The following ARHGEF10 variants were observed in gnomAD, a reference collection of about 807,000 sequenced individuals.
ARHGEF10 encodes the protein Rho guanine nucleotide exchange factor (GEF) 10.
Under a neutral mutation model 147.4 loss-of-function variants are expected in ARHGEF10, and 140 were observed. The ratio of observed to expected loss-of-function variants is 0.95; its 90% CI spans 0.83 to 1.09. ARHGEF10 has a LOEUF of 1.09. ARHGEF10 is among the 50% of genes least tolerant of loss of function. The pLI, the probability that ARHGEF10 is intolerant of heterozygous loss-of-function variation, is 0.00. For synonymous variants in ARHGEF10, 902 were observed against 695.8 expected (o/e 1.30, Z -4.67); for missense variants, 2,222 against 1,752.7 (o/e 1.27, Z -4.78).
intron 1 of ARHGEF10, among the ~76,000 whole-genome samples, chr8:1,830,799 G>C (rs1393818677): frequency 6.6e-6 from 1 of 152,238 alleles, no homozygotes; most frequent in Non-Finnish European, 1.5e-5. Flanking sequence ...GGGGCTACAA[G>C]GTGCGGAGAG....
At chr8:1,847,973 AAC>A (rs2129056015) in intron 2 of ARHGEF10, among the ~76,000 whole-genome samples, 1 of 152,300 alleles carries the variant, frequency 6.6e-6, no homozygotes, top group Non-Finnish European at 1.5e-5. Flanking sequence ...ATGGACTTGG[AAC>A]AGTCAGAGCG....
At chr8:1,854,312 CG>C (rs1805385354) in intron 2 of ARHGEF10, among the ~76,000 whole-genome samples, 1 of 152,046 alleles carries the variant, frequency 6.6e-6, no homozygotes, top group African/African-American at 2.4e-5. Flanking sequence ...CAGGCGGCCT[CG>C]CCCTCTGTCC....
At chr8:1,933,629 T>C (rs561976543) in intron 25 of ARHGEF10, among the ~76,000 whole-genome samples, 171 bp from the exon 26 acceptor site, 5 of 152,046 alleles carry the variant, frequency 3.3e-5, no homozygotes, top group South Asian at 4.2e-4. Flanking sequence ...ATGGCCCAAC[T>C]GGGGTGGGTG....
intron 28 of ARHGEF10, 101 bp downstream of exon 28, chr8:1,952,928 A>ATGTGCTTT: frequency 6.6e-7 from 1 of 1,509,564 alleles, no homozygotes; most frequent in Non-Finnish European, 9.1e-7. Flanking sequence ...TCTTTAAACA[A>ATGTGCTTT]TTCATATTAT....
intron 18 of ARHGEF10, among the ~76,000 whole-genome samples, chr8:1,910,512 G>A (rs1811277284): frequency 6.6e-6 from 1 of 152,026 alleles, no homozygotes; most frequent in Admixed American, 6.6e-5. Flanking sequence ...ATTTAAAGTG[G>A]TATGCGTCTG....
intron 25 of ARHGEF10, among the ~76,000 whole-genome samples, chr8:1,931,124 G>A (rs1398209012): frequency 6.6e-6 from 1 of 152,154 alleles, no homozygotes; most frequent in Non-Finnish European, 1.5e-5. Flanking sequence ...CGGCTTTCCC[G>A]TCCTGTCTCT....
In ARHGEF10 at chr8:1,897,605, T is replaced by G. The variant is rs11775174; in HGVS notation, c.1558-828T>G. On this transcript the variant is annotated intron_variant, in intron 14 of 28. Coordinates refer to ENST00000349830, the MANE Select transcript of ARHGEF10 (RefSeq NM_014629.4). ...GGATCGCAGTTCCCACTCTCGACAG[T>G]TGTGGGCTCTGTCCTAAGGCATCGG... is the stretch of plus-strand genomic sequence containing the variant. Among the ~76,000 whole-genome samples the G allele has an allele frequency of 2.3e-5, 3 of 130,054 alleles. No homozygotes were observed. The East Asian group carries it at 7.6e-4, about 33-fold the overall frequency. 85.3% of individuals were successfully genotyped at this position (130,054 alleles called of 152,430 possible).
chr8:1,911,059 G>C (rs183786410), intron 18 of ARHGEF10, among the ~76,000 whole-genome samples: 2 of 152,304 alleles, frequency 1.3e-5, no homozygotes, highest in Non-Finnish European at 2.9e-5. Flanking sequence ...GTTTATCATT[G>C]CATTTGCACC....
chr8:1,907,738 G>A (rs1031157349), intron 17 of ARHGEF10, among the ~76,000 whole-genome samples: 8 of 152,194 alleles, frequency 5.3e-5, no homozygotes, highest in Non-Finnish European at 1.0e-4. Flanking sequence ...GCCAGGGCTT[G>A]AATTTCTTTT....
chr8:1,887,009 A>C (rs564986638), intron 11 of ARHGEF10, among the ~76,000 whole-genome samples: 4 of 152,272 alleles, frequency 2.6e-5, no homozygotes, highest in African/African-American at 7.2e-5. Context: ...CTTCATGCTC[A>C]GGAGTTATAA....
chr8:1,876,491 T>C, intron 7 of ARHGEF10, 80 bp from the exon 8 acceptor site: 1 of 1,422,786 alleles, frequency 7.0e-7, no homozygotes, highest in South Asian at 1.1e-5. Context: ...CTAGATGATT[T>C]GGTAAAACCA....
At chr8:1,955,152 A>G (rs57191692) in intron 28 of ARHGEF10, among the ~76,000 whole-genome samples, 73 of 46,518 alleles carry the variant, frequency 1.6e-3, no homozygotes, top group South Asian at 4.1e-3. Flanking sequence ...CCTCTGGAGG[A>G]TAGCCAGGTG....
At position 1,840,198 on chromosome 8, in the gene ARHGEF10, G is replaced by C. The variant is rs530523570; in HGVS notation, c.-47-3155G>C. Among the ~76,000 whole-genome samples the C allele has an allele frequency of 2.7e-4, 37 of 137,014 alleles. 1 individual carries two copies. Among genetic ancestry groups the C allele is most frequent in the South Asian group, 2.2e-3 (9 of 4,004 alleles). 89.9% of individuals were successfully genotyped at this position (137,014 alleles called of 152,430 possible). ...TCCGATATGGGGACTGTCTGGTGTGGAAGCTGTCCGATATGGGGACTGTCT... is the reference window on the plus strand; with the variant it reads ...TCCGATATGGGGACTGTCTGGTGTGCAAGCTGTCCGATATGGGGACTGTCT... On this transcript the variant is annotated intron_variant, in intron 1 of 28. Transcript: ENST00000349830.
chr8:1,865,772 C>T (rs1254271439), intron 5 of ARHGEF10, among the ~76,000 whole-genome samples: 4 of 152,214 alleles, frequency 2.6e-5, no homozygotes, highest in East Asian at 1.9e-4. Context: ...CTTCCATACA[C>T]GTCTCTGGGT....
At position 1,889,669 on chromosome 8, in the gene ARHGEF10, G is replaced by T. The variant is rs1339726859; in HGVS notation, c.1183-3900G>T. Among the ~76,000 whole-genome samples the T allele has an allele frequency of 4.9e-5, 5 of 101,200 alleles. 1 individual carries two copies. The highest frequency in any genetic ancestry group is 4.8e-4 in the Admixed American group (5 of 10,380). 66.4% of individuals were successfully genotyped at this position (101,200 alleles called of 152,430 possible). A position where few individuals can be genotyped will look rare whatever the true frequency, so the allele number is the denominator to read the frequency against. ...TGAGTTGTGAGAAAACTCGGAGTGG[G>T]GTGAGGGTCGTGAGGAAACAGTGGG... is the stretch of plus-strand genomic sequence containing the variant. On this transcript the variant is annotated intron_variant, in intron 11 of 28. Coordinates refer to ENST00000349830, the MANE Select transcript of ARHGEF10 (RefSeq NM_014629.4).
intron 18 of ARHGEF10, among the ~76,000 whole-genome samples, chr8:1,921,286 T>C (rs1812268533): frequency 6.6e-6 from 1 of 152,230 alleles, no homozygotes; most frequent in South Asian, 2.1e-4. Flanking sequence ...ATATCTGAAA[T>C]CTTTTTATTG....
Position 1,948,591 on chromosome 8 carries a change from A to G in ARHGEF10, c.3397+2936A>G, listed in dbSNP as rs1814779867. Among the ~76,000 whole-genome samples, 1 of 152,066 alleles carries G rather than the reference A, an allele frequency of 6.6e-6. No homozygotes were observed. The highest frequency in any genetic ancestry group is 1.5e-5 in the Non-Finnish European group (1 of 68,036). On this transcript the variant is annotated intron_variant, in intron 27 of 28. Transcript: ENST00000349830. The surrounding 1 kb of genome is among the most constrained non-coding windows in gnomAD (Gnocchi z 4.9). The stretch of plus-strand genomic sequence containing the variant: ...CACCAGAAGTTCAGTTTTGTTTGTG[A>G]TGCTTCTGACAGTGATTCTCTGTAA...
At position 1,953,778 on chromosome 8, in the gene ARHGEF10, G is replaced by A. The variant is rs557845921; in HGVS notation, c.3520+951G>A. Among the ~76,000 whole-genome samples the A allele has an allele frequency of 1.3e-4, 20 of 152,248 alleles. No individual in the cohort carries two copies. In the East Asian group the frequency reaches 1.9e-3, roughly 15 times the overall value. On this transcript the variant is annotated intron_variant, in intron 28 of 28. Coordinates refer to ENST00000349830, the MANE Select transcript of ARHGEF10 (RefSeq NM_014629.4). ...CCTGCAGTGACGCGGAAAACTCCTCGTCCTGTTAAGTTCAGTAAACCACAG... is the reference window on the plus strand; with the variant it reads ...CCTGCAGTGACGCGGAAAACTCCTCATCCTGTTAAGTTCAGTAAACCACAG...
intron 18 of ARHGEF10, among the ~76,000 whole-genome samples, chr8:1,915,403 GA>G (rs1243652537): frequency 1.3e-5 from 2 of 152,236 alleles, no homozygotes; most frequent in Non-Finnish European, 2.9e-5. Flanking sequence ...TTCACAAAAT[GA>G]GAGCCCATTA....
Sources: gnomAD v4.1 joint callset for allele counts (sites outside exome capture counted in the v4.1 genomes callset) on GRCh38, gnomAD v4.1.1 for gene constraint, Gnocchi (gnomAD v3.1) non-coding constraint, MANE v1.5 for transcripts, NCBI Gene and HGNC (gene_info 2026-07-23, HGNC 2026-07-21) for gene names.